The following CNTN3 variants were observed in gnomAD, a reference collection of about 807,000 sequenced individuals.
The protein encoded by CNTN3 is contactin-3.
CNTN3 carries 60 observed loss-of-function variants against 119.1 expected under a neutral mutation model. That is an observed-to-expected ratio of 0.50 (90% CI 0.41 to 0.62). The LOEUF (loss-of-function observed/expected upper bound fraction) is 0.62. CNTN3 is among the 20% of genes least tolerant of loss of function. The pLI, the probability that CNTN3 is intolerant of heterozygous loss-of-function variation, is 0.00. For missense variants in CNTN3, 1,101 were observed against 1,242.4 expected (o/e 0.89, Z 1.71); for synonymous variants, 450 against 438.7 (o/e 1.03, Z -0.32).
intron 5 of CNTN3, among the ~76,000 whole-genome samples, chr3:74,378,345 T>C (rs1704529107): frequency 6.6e-6 from 1 of 152,218 alleles, no homozygotes; most frequent in Non-Finnish European, 1.5e-5. Context: ...TAACATTTCG[T>C]TGCATTATCT....
rs1350910818 is a variant in CNTN3, at chr3:74,301,752, C to T, written c.1840G>A (p.Ala614Thr). The T allele has an allele frequency of 2.5e-6, 4 of 1,614,068 alleles. No individual in the cohort carries two copies. In the Admixed American group the frequency reaches 6.7e-5, roughly 27 times the overall value. ...VKVDEITDTT[A>T]QLSWKEGKDN... ...TTACCTTCTTTCCAAGAGAGTTGGG[C>T]TGTTGTGTCTGTAATTTCATCTACC... The change falls in exon 15 of 23, where the codon GCC becomes ACC. Residue 614 changes from alanine (A) to threonine (T), a missense_variant. Physicochemically the swap from Ala to Thr is moderately conservative, Grantham distance 58. Coordinates refer to ENST00000263665, the MANE Select transcript of CNTN3 (RefSeq NM_020872.3).
At chr3:74,456,252 G>A (rs13063976) in intron 4 of CNTN3, among the ~76,000 whole-genome samples, 2 of 151,486 alleles carry the variant, frequency 1.3e-5, no homozygotes, top group Non-Finnish European at 1.5e-5. Flanking sequence ...GAAAAAAAAA[G>A]AAAAAAGCAA....
rs185671286 is a variant in CNTN3, at chr3:74,408,686, A to G, written c.454+16159T>C. Reference sequence around the variant, plus strand: ...TAATTAGACAGGGTATTTATGTTCTAGACTTTTCATTTGGAATCTTCTATG... The same window carrying G: ...TAATTAGACAGGGTATTTATGTTCTGGACTTTTCATTTGGAATCTTCTATG... On this transcript the variant is annotated intron_variant, in intron 5 of 22. Coordinates refer to ENST00000263665, the MANE Select transcript of CNTN3 (RefSeq NM_020872.3). Among the ~76,000 whole-genome samples the G allele has an allele frequency of 3.2e-4, 48 of 152,142 alleles. 1 individual carries two copies. In the East Asian group the frequency reaches 5.8e-3, roughly 18 times the overall value.
chr3:74,377,310 C>T (rs952358939), intron 5 of CNTN3, among the ~76,000 whole-genome samples: 6 of 151,930 alleles, frequency 3.9e-5, no homozygotes, highest in African/African-American at 1.5e-4. Context: ...TATATATGTA[C>T]ATATATATCA....
At chr3:74,306,083 A>G (rs565914970) in intron 13 of CNTN3, among the ~76,000 whole-genome samples, 2 of 152,114 alleles carry the variant, frequency 1.3e-5, no homozygotes, top group South Asian at 2.1e-4. Context: ...TTAAGAAAAA[A>G]AAGGTAAAAG....
intron 2 of CNTN3, among the ~76,000 whole-genome samples, chr3:74,516,903 T>C (rs1054216419): frequency 6.6e-6 from 1 of 151,900 alleles, no homozygotes; most frequent in African/African-American, 2.4e-5. Context: ...CCCTGAGCTG[T>C]TTTTCAGTAA....
intron 19 of CNTN3, among the ~76,000 whole-genome samples, chr3:74,285,983 A>G (rs1702109191): frequency 6.6e-6 from 1 of 151,840 alleles, no homozygotes; most frequent in Non-Finnish European, 1.5e-5. Context: ...AAAGAAATAA[A>G]AAAGATGACA....
intron 4 of CNTN3, among the ~76,000 whole-genome samples, chr3:74,482,446 G>A (rs1490911802): frequency 6.6e-6 from 1 of 151,850 alleles, no homozygotes; most frequent in African/African-American, 2.4e-5. Context: ...GTGATAAAGG[G>A]AATCTATAAA....
Position 74,266,489 on chromosome 3 carries a change from C to T in CNTN3, c.2978G>A (p.Arg993Gln), listed in dbSNP as rs751329291. 10 of 1,612,376 alleles carry T rather than the reference C, an allele frequency of 6.2e-6. No individual in the cohort carries two copies. Among genetic ancestry groups the T allele is most frequent in the Non-Finnish European group, 7.6e-6 (9 of 1,178,974 alleles). ...GGCTTCAACCAACTTACTGGTTATT[C>T]GTGGAATCCTGATCTGTTCACTACT... ...GTSSEQIRIP[R>Q]ITSMDARGST... Residue 993 changes from arginine to glutamine, a missense_variant, in exon 22 of 23, where the codon CGA (arginine) becomes CAA (glutamine). By Grantham distance (43) the Arg-to-Gln change is conservative. Coordinates refer to ENST00000263665, the MANE Select transcript of CNTN3 (RefSeq NM_020872.3).
At chr3:74,427,159 G>T (rs899097823) in intron 4 of CNTN3, among the ~76,000 whole-genome samples, 2 of 152,200 alleles carry the variant, frequency 1.3e-5, no homozygotes, top group Non-Finnish European at 2.9e-5. Flanking sequence ...TATTGTTCTG[G>T]ATATCTGATA....
At chr3:74,294,736 C>A (rs970949227) in intron 19 of CNTN3, among the ~76,000 whole-genome samples, 2 of 151,826 alleles carry the variant, frequency 1.3e-5, no homozygotes, top group African/African-American at 4.8e-5. Flanking sequence ...ATAAAAGAAC[C>A]CCACAATGTA....
intron 13 of CNTN3, among the ~76,000 whole-genome samples, chr3:74,332,265 C>T (rs1228460787): frequency 6.6e-6 from 1 of 152,204 alleles, no homozygotes; most frequent in Non-Finnish European, 1.5e-5. Context: ...ATTCCCTTCT[C>T]ATGCAACAGA....
intron 20 of CNTN3, among the ~76,000 whole-genome samples, chr3:74,274,382 G>T (rs1701840378): frequency 6.6e-6 from 1 of 152,076 alleles, no homozygotes; most frequent in Admixed American, 6.6e-5. Flanking sequence ...CTAAAGCTAA[G>T]GGCCTTACAG....
intron 4 of CNTN3, among the ~76,000 whole-genome samples, chr3:74,462,640 C>A (rs1413844021): frequency 6.6e-6 from 1 of 152,084 alleles, no homozygotes; most frequent in East Asian, 1.9e-4. Flanking sequence ...TAGGCCACTT[C>A]CTCCATAATA....
chr3:74,573,392 C>T (rs1704365133), intron 1 of CNTN3, among the ~76,000 whole-genome samples: 1 of 151,832 alleles, frequency 6.6e-6, no homozygotes. Flanking sequence ...ATCTTTGTGA[C>T]TTTGAATTAG....
rs1466689601 is a variant in CNTN3 at position 74,299,944 on chromosome 3, C to A, written c.2096-6G>T. On this transcript the variant is annotated splice_polypyrimidine_tract_variant and splice_region_variant and intron_variant, in intron 16 of 22. Transcript: ENST00000263665. ...AGAAGGAGGCACTTCTGGAACTATA[C>A]AGGTCAGAGAAACAGAGATGAAATG... The A allele has an allele frequency of 2.5e-6, 4 of 1,586,488 alleles. No homozygotes were observed. The highest frequency in any genetic ancestry group is 1.3e-5 in the African/African-American group (1 of 74,384).
chr3:74,362,216 G>T (rs191184565), intron 10 of CNTN3, among the ~76,000 whole-genome samples, 176 bp from the exon 11 acceptor site: 2 of 152,266 alleles, frequency 1.3e-5, no homozygotes. Flanking sequence ...ATGTTTTCTA[G>T]CAAGTCTAAA....
intron 1 of CNTN3, among the ~76,000 whole-genome samples, chr3:74,560,346 C>T (rs978788229): frequency 2.0e-5 from 3 of 152,092 alleles, no homozygotes; most frequent in African/African-American, 7.2e-5. Flanking sequence ...TGATGGTAAT[C>T]TCATATCCAC....
intron 13 of CNTN3, among the ~76,000 whole-genome samples, chr3:74,322,053 GTA>G (rs1180525467): frequency 1.3e-5 from 2 of 151,808 alleles, no homozygotes; most frequent in Non-Finnish European, 2.9e-5. Context: ...AGGTGTGGTG[GTA>G]CACAGTTGTA....
Sources: gnomAD v4.1 joint callset for allele counts (sites outside exome capture counted in the v4.1 genomes callset) on GRCh38, gnomAD v4.1.1 for gene constraint, MANE v1.5 for transcripts, NCBI Gene and HGNC (gene_info 2026-07-23, HGNC 2026-07-21) for gene names.